RREB1: variants seen among roughly 807,000 people sequenced by gnomAD.
RREB1 encodes the protein ras responsive element binding protein 1.
Under a neutral mutation model 117.8 loss-of-function variants are expected in RREB1, and 27 were observed. That is an observed-to-expected ratio of 0.23 (90% confidence interval 0.17 to 0.32). RREB1 has a LOEUF of 0.32. Ranked by LOEUF, RREB1 falls within the 10% of genes least tolerant of loss-of-function variation. RREB1 has a pLI of 1.00. For missense variants in RREB1, 2,577 were observed against 2,378.2 expected (o/e 1.08, Z -1.74); for synonymous variants, 1,298 against 1,026.7 (o/e 1.26, Z -5.05).
intron 6 of RREB1, among the ~76,000 whole-genome samples, chr6:7,204,483 G>C (rs1766162139): frequency 1.3e-5 from 2 of 152,124 alleles, no homozygotes; most frequent in African/African-American, 4.8e-5. Flanking sequence ...GTGCAGCTGT[G>C]GGGGTTCTTA....
chr6:7,232,426 T>C (rs922716032), intron 10 of RREB1, among the ~76,000 whole-genome samples: 1 of 152,210 alleles, frequency 6.6e-6, no homozygotes, highest in Admixed American at 6.5e-5. Flanking sequence ...AATTGTGAGG[T>C]TGGCTGTTTT....
At chr6:7,188,895 T>G (rs1412265639) in intron 5 of RREB1, among the ~76,000 whole-genome samples, 2 of 152,206 alleles carry the variant, frequency 1.3e-5, no homozygotes, top group South Asian at 4.1e-4. Context: ...AAGCAAGACC[T>G]GGGAAGGCTC....
At position 7,248,982 on chromosome 6, in the gene RREB1, C is replaced by T. The variant is rs1769281310; in HGVS notation, c.*14C>T. ...GGGATGGAGTGACAGCCTCAGTCCC[C>T]CTCAGCACAGACAAAAGCCAGCAGA... On this transcript the variant is annotated 3_prime_UTR_variant, in exon 13 of 13. Transcript: ENST00000379938. 2 of 1,452,686 alleles carry T rather than the reference C, an allele frequency of 1.4e-6. No individual in the cohort carries two copies. Among genetic ancestry groups the T allele is most frequent in the Non-Finnish European group, 9.0e-7 (1 of 1,108,808 alleles). The allele number at this position is 1,452,686 out of a possible 1,614,324, so 90.0% of individuals were successfully genotyped here.
At chr6:7,207,026 C>T (rs900174593) in intron 6 of RREB1, among the ~76,000 whole-genome samples, 6 of 152,200 alleles carry the variant, frequency 3.9e-5, no homozygotes, top group African/African-American at 1.2e-4. Flanking sequence ...ATGATTGGTC[C>T]TGTGTTTTAG....
chr6:7,220,525 A>G (rs1244075564), intron 8 of RREB1, among the ~76,000 whole-genome samples: 1 of 152,242 alleles, frequency 6.6e-6, no homozygotes, highest in African/African-American at 2.4e-5. Flanking sequence ...TTTAAATTCT[A>G]CAAAGAGATA....
Position 7,226,585 on chromosome 6 carries a change from T to G in RREB1, c.826T>G (p.Ser276Ala), listed in dbSNP as rs148307233. Residue 276 changes from serine to alanine, a missense_variant, in exon 9 of 13, where the codon TCA becomes GCA. Physicochemically the swap from Ser to Ala is moderately conservative, Grantham distance 99. Coordinates refer to ENST00000379938, the MANE Select transcript of RREB1 (RefSeq NM_001003699.4). ...MGRPFIQNNP[S>A]IPAGFHDLGF... The stretch of plus-strand genomic sequence containing the variant: ...CAGACCTTTCATACAGAACAACCCT[T>G]CAATTCCTGCTGGCTTCCACGACTT... 2.5e-5 allele frequency: 40 copies of G among 1,614,040 alleles called. No individual in the cohort carries two copies. The highest frequency in any genetic ancestry group is 3.4e-5 in the Non-Finnish European group (40 of 1,180,030).
chr6:7,137,706 G>A (rs138953402), intron 1 of RREB1, among the ~76,000 whole-genome samples: 1 of 151,984 alleles, frequency 6.6e-6, no homozygotes, highest in African/African-American at 2.4e-5. Flanking sequence ...CCTCCAGCAC[G>A]TGAGAGTCGT....
At chr6:7,141,310 G>C (rs1326286374) in intron 1 of RREB1, among the ~76,000 whole-genome samples, 1 of 152,232 alleles carries the variant, frequency 6.6e-6, no homozygotes, top group African/African-American at 2.4e-5. Context: ...AGCGGATCTT[G>C]CCGCACTTTC....
chr6:7,123,294 ACT>A (rs755410847), intron 1 of RREB1, among the ~76,000 whole-genome samples: 1 of 150,284 alleles, frequency 6.7e-6, no homozygotes, highest in Non-Finnish European at 1.5e-5. Flanking sequence ...AGGAGCTGGG[ACT>A]CTGTACAGGC....
rs755235773 is a variant in RREB1 at position 7,230,733 on chromosome 6, A to C, written c.2634A>C (p.Pro878=). 2 of 1,601,282 alleles carry C rather than the reference A, an allele frequency of 1.2e-6. No individual in the cohort carries two copies. The highest frequency in any genetic ancestry group is 1.7e-6 in the Non-Finnish European group (2 of 1,172,758). Residue 878 remains proline (P), a synonymous_variant, in exon 10 of 13, where the codon CCA becomes CCC. Coordinates refer to ENST00000379938, the MANE Select transcript of RREB1 (RefSeq NM_001003699.4). ...GFLHRGPTQP[P]PPHVSIKLEP... ...TTCACAGGGGCCCCACCCAGCCTCC[A>C]CCTCCCCATGTCTCGATCAAGTTGG...
In RREB1 at chr6:7,230,741, A is replaced by T. The variant is rs1009895575; in HGVS notation, c.2642A>T (p.His881Leu). ...HRGPTQPPPP[H>L]VSIKLEPASS... ...GGCCCCACCCAGCCTCCACCTCCCC[A>T]TGTCTCGATCAAGTTGGAGCCCGCC... Residue 881 changes from histidine to leucine, a missense_variant, in exon 10 of 13, where the codon CAT becomes CTT. Physicochemically the swap from His to Leu is moderately conservative, Grantham distance 99. Transcript: ENST00000379938. 6.2e-7 allele frequency: 1 copy of T among 1,607,470 alleles called. No individual in the cohort carries two copies. Among genetic ancestry groups the T allele is most frequent in the Non-Finnish European group, 8.5e-7 (1 of 1,176,152 alleles).
chr6:7,167,973 A>ATG (rs151318765), intron 1 of RREB1, among the ~76,000 whole-genome samples: 5,673 of 152,122 alleles, frequency 0.037, 146 homozygotes, highest in Non-Finnish European at 0.051. Context: ...AAGACTCCCC[A>ATG]TGTCAGGCTG....
intron 1 of RREB1, among the ~76,000 whole-genome samples, chr6:7,112,426 A>G (rs1761189748): frequency 6.6e-6 from 1 of 152,120 alleles, no homozygotes; most frequent in Non-Finnish European, 1.5e-5. Flanking sequence ...GTCCAAATAT[A>G]ATTAAGAAAT....
intron 1 of RREB1, among the ~76,000 whole-genome samples, chr6:7,170,492 A>G (rs1024772355): frequency 6.6e-6 from 1 of 152,172 alleles, no homozygotes; most frequent in Admixed American, 6.5e-5. Context: ...ACCACCTCCA[A>G]GGAGCTTTTC....
chr6:7,128,716 C>T (rs1762034717), intron 1 of RREB1, among the ~76,000 whole-genome samples: 1 of 152,162 alleles, frequency 6.6e-6, no homozygotes, highest in Non-Finnish European at 1.5e-5. Flanking sequence ...CACCTGTAAT[C>T]CCAGCACTTT....
At chr6:7,194,922 C>G (rs1765593201) in intron 6 of RREB1, among the ~76,000 whole-genome samples, 1 of 152,178 alleles carries the variant, frequency 6.6e-6, no homozygotes, top group Admixed American at 6.5e-5. Flanking sequence ...ACCTCTGTGT[C>G]CTAATTACTT....
Position 7,182,021 on chromosome 6 carries a change from C to G in RREB1, c.110C>G (p.Pro37Arg). Residue 37 changes from proline (P) to arginine (R), a missense_variant, in exon 4 of 13, where the codon CCC (proline) becomes CGC (arginine). By Grantham distance (103) the Pro-to-Arg change is moderately radical. Transcript: ENST00000379938. ...VGKVTENGGS[P>R]QGIKSPSKPP... ...AAGGTCACAGAGAATGGCGGGAGCCCCCAGGGGATCAAGTCCCCCTCGAAG... is the reference window on the plus strand; with the variant it reads ...AAGGTCACAGAGAATGGCGGGAGCCGCCAGGGGATCAAGTCCCCCTCGAAG... 6.2e-7 allele frequency: 1 copy of G among 1,614,148 alleles called. No homozygotes were observed. The highest frequency in any genetic ancestry group is 1.1e-5 in the South Asian group (1 of 91,082).
intron 9 of RREB1, among the ~76,000 whole-genome samples, chr6:7,228,444 T>C (rs1324425850): frequency 6.6e-6 from 1 of 151,790 alleles, no homozygotes; most frequent in Non-Finnish European, 1.5e-5. Flanking sequence ...TTAAGATGCT[T>C]TGTGGATTTC....
chr6:7,231,991 T>G, intron 10 of RREB1, 84 bp downstream of exon 10: 1 of 1,333,944 alleles, frequency 7.5e-7, no homozygotes, highest in Non-Finnish European at 1.0e-6. Context: ...GCGAGACCCA[T>G]CTCCCACAGT....
Sources: allele counts gnomAD v4.1 joint callset (sites outside exome capture counted in the v4.1 genomes callset), GRCh38; gene constraint gnomAD v4.1.1; transcripts MANE v1.5; gene names NCBI Gene and HGNC (gene_info 2026-07-23, HGNC 2026-07-21).